The following JHY variants were observed in gnomAD, a reference collection of about 807,000 sequenced individuals.
JHY encodes the protein junctional cadherin complex regulator, also known as jhy protein homolog.
A neutral mutation model predicts 78.0 loss-of-function variants in JHY; 69 were observed. The ratio of observed to expected loss-of-function variants is 0.88; its 90% confidence interval spans 0.73 to 1.08. The LOEUF (loss-of-function observed/expected upper bound fraction) is 1.08, where lower values mean the gene tolerates loss of function less well. Ranked by LOEUF, JHY falls within the 50% of genes least tolerant of loss-of-function variation. The pLI, the probability that JHY is intolerant of heterozygous loss-of-function variation, is 0.00. For missense variants in JHY, 944 were observed against 927.8 expected, an observed-to-expected ratio of 1.02 and a Z score of -0.23; for synonymous variants, 368 against 342.6, an observed-to-expected ratio of 1.07 and a Z score of -0.82.
At chr11:122,920,121 G>A (rs1237283319) in intron 3 of JHY, among the ~76,000 whole-genome samples, 1 of 152,160 alleles carries the variant, frequency 6.6e-6, no homozygotes, top group Non-Finnish European at 1.5e-5. Flanking sequence ...CAGTGCTGGC[G>A]TGAGCAGGTG....
chr11:122,961,091 G>A lies in JHY; in HGVS notation c.*1646G>A, dbSNP rs1041015666. ...CTCATGCACAGCCAGTTATGTAAATGTATCTATCCCAATTGAGAGAGCCAG... is the reference window on the plus strand; with the variant it reads ...CTCATGCACAGCCAGTTATGTAAATATATCTATCCCAATTGAGAGAGCCAG... On this transcript the variant is annotated 3_prime_UTR_variant, in exon 9 of 9. Transcript: ENST00000227349. 14 of 1,016,312 alleles carry A rather than the reference G, an allele frequency of 1.4e-5. No homozygotes were observed. The highest frequency in any genetic ancestry group is 1.0e-4 in the South Asian group (8 of 77,140). 63.0% of individuals were successfully genotyped at this position (1,016,312 alleles called of 1,614,324 possible). A position where few individuals can be genotyped will look rare whatever the true frequency, so the allele number is the denominator to read the frequency against.
Position 122,962,824 on chromosome 11 carries a change from C to T in JHY, c.*3379C>T, listed in dbSNP as rs75589154. ...AGGTGAAGAGAAAGGTTACATGACTCGGAAGTCCATCAGTCCTACTGAGAG... is the reference window on the plus strand; with the variant it reads ...AGGTGAAGAGAAAGGTTACATGACTTGGAAGTCCATCAGTCCTACTGAGAG... On this transcript the variant is annotated 3_prime_UTR_variant, in exon 9 of 9. Coordinates refer to ENST00000227349, the MANE Select transcript of JHY (RefSeq NM_024806.4). Among the ~76,000 whole-genome samples the T allele has an allele frequency of 2.0e-5, 3 of 152,088 alleles. No individual in the cohort carries two copies. Among genetic ancestry groups the T allele is most frequent in the Non-Finnish European group, 2.9e-5 (2 of 68,006 alleles).
chr11:122,951,616 C>T (rs992892830), intron 6 of JHY, among the ~76,000 whole-genome samples: 1 of 152,170 alleles, frequency 6.6e-6, no homozygotes, highest in Admixed American at 6.5e-5. Flanking sequence ...CAGGGTACCA[C>T]CTTTCAGAGT....
chr11:122,934,454 C>G lies in JHY; in HGVS notation c.1013C>G (p.Thr338Arg). 6.2e-7 allele frequency: 1 copy of G among 1,613,416 alleles called. No homozygotes were observed. The highest frequency in any genetic ancestry group is 8.5e-7 in the Non-Finnish European group (1 of 1,179,648). The change falls in exon 5 of 9, where the codon ACA becomes AGA. Residue 338 changes from threonine to arginine, a missense_variant. By Grantham distance (71) the Thr-to-Arg change is moderately conservative. Coordinates refer to ENST00000227349, the MANE Select transcript of JHY (RefSeq NM_024806.4). Reference protein sequence around the residue: ...YQEHWSQYESTKSSNVPRGQP... With the variant: ...YQEHWSQYESRKSSNVPRGQP... The stretch of plus-strand genomic sequence containing the variant: ...GAACACTGGTCTCAATATGAAAGTA[C>G]AAAATCAAGCAATGTACCAAGAGGG...
intron 1 of JHY, among the ~76,000 whole-genome samples, chr11:122,884,994 G>A (rs1024517122): frequency 9.1e-4 from 132 of 144,346 alleles, no homozygotes; most frequent in African/African-American, 3.3e-3. Flanking sequence ...TTTTTTTGTA[G>A]AGATGGGGTT....
intron 4 of JHY, among the ~76,000 whole-genome samples, chr11:122,929,085 G>T (rs991698391): frequency 6.6e-6 from 1 of 152,028 alleles, no homozygotes; most frequent in African/African-American, 2.4e-5. Context: ...GTGCCACCAC[G>T]CCTCGCTAAT....
At chr11:122,922,697 C>T (rs1863396325) in intron 3 of JHY, among the ~76,000 whole-genome samples, 1 of 151,532 alleles carries the variant, frequency 6.6e-6, no homozygotes, top group Non-Finnish European at 1.5e-5. Context: ...GTAGTCCCAG[C>T]TACTCAGGAG....
rs1256425722 is a variant in JHY at position 122,917,229 on chromosome 11, G to C, written c.865-7668G>C. ...GAAGTACCAAGGTGTACTAGAGAGA[G>C]CCTAGCAGCCGTAAGCATTTAGCTA... On this transcript the variant is annotated intron_variant, in intron 3 of 8. Transcript: ENST00000227349. This position sits in a 1 kb window ranked among gnomAD's most constrained non-coding sequence, Gnocchi z 4.1. 6.6e-6 allele frequency among the ~76,000 whole-genome samples: 1 copy of C among 152,196 alleles called. No individual in the cohort carries two copies. Among genetic ancestry groups the C allele is most frequent in the East Asian group, 1.9e-4 (1 of 5,200 alleles).
rs1435273235 is a variant in JHY at position 122,962,103 on chromosome 11, TA to T, written c.*2659del. On this transcript the variant is annotated 3_prime_UTR_variant, in exon 9 of 9. Coordinates refer to ENST00000227349, the MANE Select transcript of JHY (RefSeq NM_024806.4). ...ACTACTGAATACAAATGTTAATAAATATTTTTTAGTTTTTAAATCTTTTTTA... is the reference window on the plus strand; with the variant it reads ...ACTACTGAATACAAATGTTAATAAATTTTTTTAGTTTTTAAATCTTTTTTA... 6.6e-6 allele frequency among the ~76,000 whole-genome samples: 1 copy of T among 152,266 alleles called. No homozygotes were observed. Among genetic ancestry groups the T allele is most frequent in the Non-Finnish European group, 1.5e-5 (1 of 68,048 alleles).
At chr11:122,927,676 T>C (rs1863537698) in intron 4 of JHY, among the ~76,000 whole-genome samples, 1 of 152,150 alleles carries the variant, frequency 6.6e-6, no homozygotes. Flanking sequence ...GCCTGCCATA[T>C]TGGGCCGTGT....
chr11:122,939,286 C>G (rs1005307993), intron 5 of JHY, among the ~76,000 whole-genome samples: 1 of 152,050 alleles, frequency 6.6e-6, no homozygotes, highest in Admixed American at 6.6e-5. Context: ...GCACCCAACC[C>G]TGACTGCTTC....
chr11:122,909,873 A>G (rs1051236901), intron 3 of JHY, among the ~76,000 whole-genome samples: 3 of 152,220 alleles, frequency 2.0e-5, no homozygotes, highest in East Asian at 3.8e-4. Flanking sequence ...ACATATAAGT[A>G]TAAAAGTGTT....
chr11:122,888,195 C>T (rs1002841152), intron 2 of JHY, among the ~76,000 whole-genome samples: 5 of 152,206 alleles, frequency 3.3e-5, no homozygotes, highest in Admixed American at 1.3e-4. Flanking sequence ...GACAGACAAC[C>T]TTGATAGGAC....
rs1243742762 is a variant in JHY, at chr11:122,934,625, C to T, written c.1184C>T (p.Pro395Leu). 2 of 1,614,052 alleles carry T rather than the reference C, an allele frequency of 1.2e-6. No individual in the cohort carries two copies. Among genetic ancestry groups the T allele is most frequent in the South Asian group, 1.1e-5 (1 of 91,066 alleles). The part of the protein sequence containing the change: ...TASQGNQNNP[P>L]RQQQNQNKPL... ...AGTCAGGGGAACCAGAATAACCCTC[C>T]CAGGCAGCAACAAAACCAAAATAAG... The change falls in exon 5 of 9, where the codon CCC (proline) becomes CTC (leucine). Residue 395 changes from proline (P) to leucine (L), a missense_variant. Transcript: ENST00000227349.
chr11:122,899,483 C>A (rs143050258), intron 2 of JHY, among the ~76,000 whole-genome samples: 1 of 152,118 alleles, frequency 6.6e-6, no homozygotes. Context: ...TGTTTAGATT[C>A]GAATTTATTA....
At chr11:122,914,648 T>G (rs1356082863) in intron 3 of JHY, among the ~76,000 whole-genome samples, 2 of 152,036 alleles carry the variant, frequency 1.3e-5, no homozygotes. Flanking sequence ...GTTCACCATG[T>G]TGGTCAGGCT....
At chr11:122,911,485 CAA>C (rs1180461571) in intron 3 of JHY, among the ~76,000 whole-genome samples, 1 of 152,120 alleles carries the variant, frequency 6.6e-6, no homozygotes, top group Non-Finnish European at 1.5e-5. Flanking sequence ...TAACAGAAAA[CAA>C]GAGAGGCAGA....
rs138662924 is a variant in JHY at position 122,896,779 on chromosome 11, G to A, written c.345-7146G>A. On this transcript the variant is annotated intron_variant, in intron 2 of 8. Coordinates refer to ENST00000227349, the MANE Select transcript of JHY (RefSeq NM_024806.4). ...GGCTAGTGCTGGAGCTCTCTGACACGTGCTTCCACAGGTAGTCCTCATGGA... is the reference window on the plus strand; with the variant it reads ...GGCTAGTGCTGGAGCTCTCTGACACATGCTTCCACAGGTAGTCCTCATGGA... Among the ~76,000 whole-genome samples the A allele has an allele frequency of 2.2e-3, 338 of 152,296 alleles. 1 individual carries two copies. The highest frequency in any genetic ancestry group is 0.016 in the South Asian group (76 of 4,830).
intron 3 of JHY, among the ~76,000 whole-genome samples, chr11:122,910,621 T>G (rs2135318591): frequency 6.6e-6 from 1 of 152,322 alleles, no homozygotes; most frequent in East Asian, 1.9e-4. Flanking sequence ...ACTGTGTACC[T>G]TTTCAAATCT....
Sources: gnomAD v4.1 joint callset for allele counts (sites outside exome capture counted in the v4.1 genomes callset) on GRCh38, gnomAD v4.1.1 for gene constraint, Gnocchi (gnomAD v3.1) non-coding constraint, MANE v1.5 for transcripts, NCBI Gene and HGNC (gene_info 2026-07-23, HGNC 2026-07-21) for gene names.